Variants in LRP1B observed in about 807,000 individuals in gnomAD.
LRP1B encodes LDL receptor related protein 1B.
In LRP1B, 217 loss-of-function variants were observed where a neutral mutation model predicts 556.6. The observed-to-expected ratio is 0.39, with a 90% CI of 0.35 to 0.44. LRP1B has a LOEUF of 0.44. Ranked by LOEUF, LRP1B falls within the 20% of genes least tolerant of loss-of-function variation. The probability of loss-of-function intolerance (pLI) is 1.00; values close to 1 mark genes in which losing one functional copy is unlikely to be tolerated. For missense variants in LRP1B, 5,053 were observed against 5,620.8 expected (o/e 0.90, Z 3.23); for synonymous variants, 2,047 against 1,865.8 (o/e 1.10, Z -2.50).
chr2:141,591,376 T>C (rs1419401190), intron 2 of LRP1B, among the ~76,000 whole-genome samples: 3 of 141,116 alleles, frequency 2.1e-5, no homozygotes, highest in South Asian at 2.3e-4. Flanking sequence ...TTTTTTTTTT[T>C]CCCAGGCCTC....
chr2:140,511,353 G>A (rs1484597101), intron 51 of LRP1B, among the ~76,000 whole-genome samples: 3 of 139,148 alleles, frequency 2.2e-5, no homozygotes, highest in African/African-American at 8.2e-5. Flanking sequence ...CCAGGCTGGA[G>A]TGCGGTGGCG....
At chr2:140,754,614 T>C (rs1688683203) in intron 35 of LRP1B, among the ~76,000 whole-genome samples, 1 of 151,710 alleles carries the variant, frequency 6.6e-6, no homozygotes, top group Non-Finnish European at 1.5e-5. Flanking sequence ...AATTAGAAAA[T>C]ACTTTGAGAT....
chr2:140,340,191 C>CAAAG (rs1366588216), intron 77 of LRP1B, among the ~76,000 whole-genome samples: 2 of 151,002 alleles, frequency 1.3e-5, no homozygotes, highest in Non-Finnish European at 3.0e-5. Context: ...ATCAGAAAAA[C>CAAAG]AAAGATATCA....
intron 3 of LRP1B, among the ~76,000 whole-genome samples, chr2:141,259,540 C>G (rs1014627858): frequency 6.6e-6 from 1 of 152,164 alleles, no homozygotes; most frequent in Admixed American, 6.5e-5. Flanking sequence ...CACTTGTCAG[C>G]CATCTGGGTG....
At chr2:140,723,129 A>T (rs1687473804) in intron 35 of LRP1B, among the ~76,000 whole-genome samples, 1 of 152,186 alleles carries the variant, frequency 6.6e-6, no homozygotes, top group Admixed American at 6.5e-5. Flanking sequence ...TGTTTGAGAG[A>T]GGAAAATCCC....
chr2:141,773,483 A>C (rs999803247), intron 2 of LRP1B, among the ~76,000 whole-genome samples: 1 of 152,230 alleles, frequency 6.6e-6, no homozygotes, highest in Non-Finnish European at 1.5e-5. Context: ...CAAATGAGGA[A>C]GATTATTTAT....
rs201347962 is a variant in LRP1B at position 141,017,999 on chromosome 2, TA to T, written c.1970+1922del. ...CTGGGTAACAGAGTAAGATCCTGTC[TA>T]AAAAAAAAAAAAAAAATTATGAAAG... On this transcript the variant is annotated intron_variant, in intron 12 of 90. Coordinates refer to ENST00000389484, the MANE Select transcript of LRP1B (RefSeq NM_018557.3). Among the ~76,000 whole-genome samples, 631 of 116,884 alleles carry T rather than the reference TA, an allele frequency of 5.4e-3. 1 individual carries two copies. The highest frequency in any genetic ancestry group is 7.3e-3 in the East Asian group (31 of 4,242). The allele number at this position is 116,884 out of a possible 152,430, so 76.7% of individuals were successfully genotyped here.
intron 2 of LRP1B, among the ~76,000 whole-genome samples, chr2:141,490,457 C>T (rs1021784365): frequency 6.6e-6 from 1 of 151,226 alleles, no homozygotes; most frequent in Non-Finnish European, 1.5e-5. Flanking sequence ...TGCAAGTTGG[C>T]ACCTGAATCC....
rs144876000 is a variant in LRP1B, at chr2:141,804,731, A to G, written c.205+5548T>C. On this transcript the variant is annotated intron_variant, in intron 2 of 90. Coordinates refer to ENST00000389484, the MANE Select transcript of LRP1B (RefSeq NM_018557.3). ...GGAAGGCAGATGGGGTATAGAGTGG[A>G]GAAGGAATGTTACTATGGAATAGGC... Among the ~76,000 whole-genome samples the G allele has an allele frequency of 8.6e-4, 131 of 152,098 alleles. 3 individuals carry two copies. The East Asian group carries it at 0.024, about 28-fold the overall frequency.
At chr2:140,429,255 C>A (rs1403005415) in intron 66 of LRP1B, among the ~76,000 whole-genome samples, 5 of 152,160 alleles carry the variant, frequency 3.3e-5, no homozygotes, top group South Asian at 4.1e-4. Context: ...ACCAGACAAG[C>A]CTTACAAGTT....
chr2:141,267,900 T>A (rs1388599256), intron 3 of LRP1B, among the ~76,000 whole-genome samples: 1 of 152,204 alleles, frequency 6.6e-6, no homozygotes, highest in African/African-American at 2.4e-5. Flanking sequence ...ATGAATAATG[T>A]AACCTCCTTT....
chr2:141,062,128 C>G lies in LRP1B; in HGVS notation c.1159G>C (p.Val387Leu), dbSNP rs1030860248. 1.2e-6 allele frequency: 2 copies of G among 1,611,980 alleles called. No individual in the cohort carries two copies. The highest frequency in any genetic ancestry group is 2.7e-5 in the African/African-American group (2 of 74,748). Reference protein sequence around the residue: ...LDLVNKLVYWVDLYLDYVGVV... With the variant: ...LDLVNKLVYWLDLYLDYVGVV... ...CCCACATAGTCCAAGTAAAGATCTA[C>G]CCAGTAAACCAATTTGTTGACTAGG... Residue 387 changes from valine (V) to leucine (L), a missense_variant, in exon 8 of 91, where the codon GTA becomes CTA. This residue lies in a region of LRP1B where 3,619 missense variants were observed against 3,931.9 expected (regional missense o/e 0.92). Coordinates refer to ENST00000389484, the MANE Select transcript of LRP1B (RefSeq NM_018557.3).
chr2:141,765,516 A>G (rs1017479603), intron 2 of LRP1B, among the ~76,000 whole-genome samples: 12 of 152,196 alleles, frequency 7.9e-5, no homozygotes, highest in Non-Finnish European at 1.8e-4. Context: ...GACAGCAAGT[A>G]GTAGCAATAC....
At chr2:141,648,297 TC>T (rs1689657488) in intron 2 of LRP1B, among the ~76,000 whole-genome samples, 2 of 146,958 alleles carry the variant, frequency 1.4e-5, no homozygotes, top group South Asian at 4.1e-4. Context: ...CTATTTCACT[TC>T]TTTCATTGAT....
chr2:140,684,583 G>A (rs1300463177), intron 41 of LRP1B, among the ~76,000 whole-genome samples: 1 of 152,116 alleles, frequency 6.6e-6, no homozygotes, highest in Non-Finnish European at 1.5e-5. Context: ...GATATTCATA[G>A]ATTACAGATA....
In LRP1B at chr2:141,070,093, G is replaced by T. The variant is rs1357557795; in HGVS notation, c.1014-7820C>A. On this transcript the variant is annotated intron_variant, in intron 7 of 90. Transcript: ENST00000389484. ...CTTGCGATAGTTTACTGAGAATGAT[G>T]ATTTCCAATTTCATCCATGTCCCCA... Among the ~76,000 whole-genome samples, 218 of 151,544 alleles carry T rather than the reference G, an allele frequency of 1.4e-3. 3 individuals are homozygous for T. The highest frequency in any genetic ancestry group is 2.2e-4 in the Non-Finnish European group (15 of 67,868).
chr2:141,413,001 G>A (rs1233165552), intron 3 of LRP1B, among the ~76,000 whole-genome samples: 1 of 152,054 alleles, frequency 6.6e-6, no homozygotes, highest in Non-Finnish European at 1.5e-5. Flanking sequence ...CCAGAGCAAG[G>A]GGAAGACTTA....
intron 20 of LRP1B, among the ~76,000 whole-genome samples, chr2:140,923,937 T>C (rs1393208707): frequency 6.6e-6 from 1 of 152,066 alleles, no homozygotes; most frequent in African/African-American, 2.4e-5. Flanking sequence ...ACATGACTAA[T>C]CTGCAGCTTA....
At chr2:141,341,550 T>G (rs1019064195) in intron 3 of LRP1B, among the ~76,000 whole-genome samples, 5 of 152,228 alleles carry the variant, frequency 3.3e-5, no homozygotes, top group African/African-American at 1.2e-4. Context: ...TCTTCATGTT[T>G]CAGTGACACA....
Sources: allele counts gnomAD v4.1 joint callset (sites outside exome capture counted in the v4.1 genomes callset), GRCh38; gene constraint gnomAD v4.1.1; regional missense constraint gnomAD v4.1.1; transcripts MANE v1.5; gene names NCBI Gene and HGNC (gene_info 2026-07-23, HGNC 2026-07-21).